Variants in AGBL1 observed in about 807,000 individuals in gnomAD.
The protein encoded by AGBL1 is cytosolic carboxypeptidase 4.
A neutral mutation model predicts 118.9 loss-of-function variants in AGBL1; 130 were observed. The observed-to-expected ratio is 1.09, with a 90% confidence interval of 0.95 to 1.26. The LOEUF (loss-of-function observed/expected upper bound fraction) is 1.26. Among genes scored for constraint, AGBL1 ranks in the 50% most tolerant of loss-of-function variants. AGBL1 has a pLI of 0.00. For missense variants in AGBL1, 1,584 were observed against 1,298.1 expected (o/e 1.22, Z -3.38); for synonymous variants, 555 against 478.9 (o/e 1.16, Z -2.08).
chr15:86,744,645 G>A (rs972569853), intron 22 of AGBL1, among the ~76,000 whole-genome samples: 1 of 152,072 alleles, frequency 6.6e-6, no homozygotes. Flanking sequence ...GAGGGGGGGA[G>A]GAGTTAAAAT....
intron 22 of AGBL1, among the ~76,000 whole-genome samples, chr15:86,775,769 A>G (rs2078247174): frequency 6.6e-6 from 1 of 152,128 alleles, no homozygotes; most frequent in Non-Finnish European, 1.5e-5. Flanking sequence ...TTTACATTTT[A>G]TTTATAAACA....
intron 6 of AGBL1, among the ~76,000 whole-genome samples, chr15:86,230,296 A>G (rs879636189): frequency 1.3e-5 from 2 of 152,206 alleles, no homozygotes; most frequent in Non-Finnish European, 2.9e-5. Context: ...TTGATGGCCA[A>G]ATGGCTGCTC....
intron 22 of AGBL1, among the ~76,000 whole-genome samples, chr15:86,741,129 T>A (rs1002039655): frequency 2.0e-5 from 3 of 151,970 alleles, no homozygotes; most frequent in Non-Finnish European, 4.4e-5. Flanking sequence ...TTTGATTGCA[T>A]CCTCACAAGT....
At chr15:87,016,726 G>A (rs1016071522) in intron 24 of AGBL1, among the ~76,000 whole-genome samples, 6 of 152,132 alleles carry the variant, frequency 3.9e-5, no homozygotes, top group African/African-American at 1.4e-4. Flanking sequence ...CCACCTAGGA[G>A]TGGCATAGAG....
At chr15:86,854,556 TACA>T (rs1385082684) in intron 22 of AGBL1, among the ~76,000 whole-genome samples, 3 of 152,312 alleles carry the variant, frequency 2.0e-5, no homozygotes, top group Admixed American at 6.5e-5. Context: ...GAGCCAGTGT[TACA>T]TGCACACAAC....
chr15:86,385,336 T>C (rs1003684739), intron 17 of AGBL1, among the ~76,000 whole-genome samples: 1 of 152,250 alleles, frequency 6.6e-6, no homozygotes, highest in Non-Finnish European at 1.5e-5. Context: ...TATATCTCTG[T>C]TGAACAGGGA....
chr15:86,194,098 C>A (rs759760198), intron 5 of AGBL1, among the ~76,000 whole-genome samples: 1 of 152,186 alleles, frequency 6.6e-6, no homozygotes, highest in South Asian at 2.1e-4. Context: ...GTACTCACAT[C>A]CTGTTGGAAC....
At chr15:86,423,908 C>T (rs1272651045) in intron 18 of AGBL1, among the ~76,000 whole-genome samples, 1 of 152,160 alleles carries the variant, frequency 6.6e-6, no homozygotes, top group Admixed American at 6.6e-5. Context: ...GAAAAACAAT[C>T]CATGTTCATG....
chr15:86,978,900 G>T (rs1254783249), intron 23 of AGBL1, among the ~76,000 whole-genome samples: 1 of 152,200 alleles, frequency 6.6e-6, no homozygotes, highest in South Asian at 2.1e-4. Context: ...ATAAGAGGTG[G>T]AGAATTGAGG....
At position 86,634,002 on chromosome 15, in the gene AGBL1, A is replaced by T. The variant is rs113963893; in HGVS notation, c.2995-40271A>T. On this transcript the variant is annotated intron_variant, in intron 21 of 22. Coordinates refer to ENST00000614907, the MANE Select transcript of AGBL1 (RefSeq NM_001386094.1). ...AAAAGTGTTTGGAATGCAAATCAAT[A>T]TCAGTAGGAGATACCACTTCACACC... Among the ~76,000 whole-genome samples, 913 of 151,976 alleles carry T rather than the reference A, an allele frequency of 6.0e-3. 9 individuals are homozygous for T. The highest frequency in any genetic ancestry group is 0.021 in the African/African-American group (860 of 41,482).
intron 22 of AGBL1, among the ~76,000 whole-genome samples, chr15:86,817,060 G>T (rs138925289): frequency 2.0e-5 from 3 of 151,976 alleles, no homozygotes; most frequent in Non-Finnish European, 4.4e-5. Context: ...GCTGAGGTGG[G>T]TAGATCACCT....
chr15:86,169,695 AG>A (rs1252401996), intron 5 of AGBL1, among the ~76,000 whole-genome samples: 1 of 152,258 alleles, frequency 6.6e-6, no homozygotes, highest in African/African-American at 2.4e-5. Flanking sequence ...AATAATGACA[AG>A]GAAAAATCTG....
intron 1 of AGBL1, among the ~76,000 whole-genome samples, chr15:86,136,241 G>C (rs1048991463): frequency 2.0e-5 from 3 of 152,222 alleles, no homozygotes; most frequent in Non-Finnish European, 4.4e-5. Context: ...TAAGTTTTGG[G>C]ATAGTTTGTT....
chr15:86,152,595 A>G (rs981598695), intron 3 of AGBL1, among the ~76,000 whole-genome samples: 2 of 152,228 alleles, frequency 1.3e-5, no homozygotes, highest in Admixed American at 1.3e-4. Flanking sequence ...CATTCAGGAC[A>G]TAGGCACGGG....
At chr15:86,288,526 G>A (rs571507018) in intron 16 of AGBL1, among the ~76,000 whole-genome samples, 26 of 151,788 alleles carry the variant, frequency 1.7e-4, no homozygotes, top group Non-Finnish European at 2.9e-4. Context: ...TTGCTGTTTC[G>A]AAAACCATTT....
rs1345311854 is a variant in AGBL1, at chr15:86,891,303, T to G, written c.3159-15784T>G. ...TTTTGGGCTGGATGCTTTGATTTCT[T>G]TTCAGACAATGAGAAAATGTTCCTC... On this transcript the variant is annotated intron_variant, in intron 22 of 22. Coordinates refer to ENST00000614907, the MANE Select transcript of AGBL1 (RefSeq NM_001386094.1). Among the ~76,000 whole-genome samples the G allele has an allele frequency of 3.9e-5, 6 of 152,046 alleles. No individual in the cohort carries two copies. The East Asian group carries it at 1.2e-3, about 29-fold the overall frequency.
chr15:86,698,615 T>G lies in AGBL1; in HGVS notation c.3158+24179T>G, dbSNP rs573984356. Among the ~76,000 whole-genome samples, 6 of 151,806 alleles carry G rather than the reference T, an allele frequency of 4.0e-5. No individual in the cohort carries two copies. The East Asian group carries it at 7.8e-4, about 20-fold the overall frequency. On this transcript the variant is annotated intron_variant, in intron 22 of 22. Transcript: ENST00000614907. ...TGTATATAGTGCTGATCATTGTTTT[T>G]TTTTTTTTTTAAAAAGAGACCAACA... is the stretch of plus-strand genomic sequence containing the variant.
intron 21 of AGBL1, among the ~76,000 whole-genome samples, chr15:86,603,945 G>C (rs1270969119): frequency 6.6e-6 from 1 of 152,072 alleles, no homozygotes; most frequent in Admixed American, 6.6e-5. Context: ...GATTTCAAAA[G>C]GGTGTTTCAG....
Position 86,975,447 on chromosome 15 carries a change from C to T in AGBL1, c.3222-12540C>T, listed in dbSNP as rs550367082. On this transcript the variant is annotated intron_variant, in intron 23 of 24. Coordinates refer to the AGBL1 transcript ENST00000441037. Reference sequence around the variant, plus strand: ...ATGATTCAATTACCTCCCACAGGGCCCCTCCCACGACACCTGGGAATTATG... The same window carrying T: ...ATGATTCAATTACCTCCCACAGGGCTCCTCCCACGACACCTGGGAATTATG... 5.3e-5 allele frequency among the ~76,000 whole-genome samples: 8 copies of T among 152,174 alleles called. No homozygotes were observed. In the East Asian group the frequency reaches 1.6e-3, roughly 29 times the overall value.
Sources: allele counts gnomAD v4.1 joint callset (sites outside exome capture counted in the v4.1 genomes callset), GRCh38; gene constraint gnomAD v4.1.1; transcripts MANE v1.5; gene names NCBI Gene and HGNC (gene_info 2026-07-23, HGNC 2026-07-21).